The following SAMHD1 variants were observed in gnomAD, a reference collection of about 807,000 sequenced individuals.
The protein encoded by SAMHD1 is deoxynucleoside triphosphate triphosphohydrolase SAMHD1.
Under a neutral mutation model 79.6 loss-of-function variants are expected in SAMHD1, and 54 were observed. That is an observed-to-expected ratio of 0.68 (90% CI 0.55 to 0.85). The LOEUF is 0.85. Among genes scored for constraint, SAMHD1 ranks in the 40% least tolerant of loss-of-function variants. The pLI is 0.00. For synonymous variants in SAMHD1, 260 were observed against 264.1 expected, an observed-to-expected ratio of 0.98 and a Z score of 0.15; for missense variants, 663 against 782.7, an observed-to-expected ratio of 0.85 and a Z score of 1.82.
chr20:36,935,037 A>G lies in SAMHD1; in HGVS notation c.501T>C (p.His167=). 3 of 1,614,034 alleles carry G rather than the reference A, an allele frequency of 1.9e-6. No individual in the cohort carries two copies. The highest frequency in any genetic ancestry group is 2.5e-6 in the Non-Finnish European group (3 of 1,179,968). ...CCCCATTCCCTTCTTACCCTAGACT[A>G]TGCTCAAATCGATTGTGTGAAGCTC... ...FPGASHNRFE[H]SLGVGYLAGC... Residue 167 remains histidine (H), a synonymous_variant, in exon 4 of 16, where the codon CAT becomes CAC. Transcript: ENST00000646673.
chr20:36,937,303 T>C (rs564761673), intron 3 of SAMHD1, among the ~76,000 whole-genome samples: 48 of 152,246 alleles, frequency 3.2e-4, no homozygotes, highest in African/African-American at 1.1e-3. Flanking sequence ...CATGGTGACC[T>C]TGGGTTCGGC....
chr20:36,931,823 A>T (rs1250691737), intron 4 of SAMHD1, among the ~76,000 whole-genome samples: 3 of 151,774 alleles, frequency 2.0e-5, no homozygotes, highest in Admixed American at 6.6e-5. Context: ...AAAATAATTT[A>T]AAAATAAAAA....
At chr20:36,901,309 C>CA (rs1181382582) in intron 13 of SAMHD1, among the ~76,000 whole-genome samples, 1 of 152,146 alleles carries the variant, frequency 6.6e-6, no homozygotes. Flanking sequence ...GGACTACAGG[C>CA]ATGCACCACC....
At chr20:36,914,058 T>C (rs2063461013) in intron 9 of SAMHD1, among the ~76,000 whole-genome samples, 1 of 151,848 alleles carries the variant, frequency 6.6e-6, no homozygotes, top group Non-Finnish European at 1.5e-5. Flanking sequence ...CTAGCCCTTC[T>C]TGACTTTCTA....
chr20:36,911,223 A>T lies in SAMHD1; in HGVS notation c.1265T>A (p.Leu422Gln), dbSNP rs1177867586. ...TGTTACCTGTTACTTCTTACCTGTC[A>T]GCTTAGTATAGGCTTCCATGTCGTC... ...AIDDMEAYTK[L>Q]TDNIFLEILY... The change falls in exon 11 of 16, where the codon CTG (leucine) becomes CAG (glutamine). Residue 422 changes from leucine to glutamine, a missense_variant. By Grantham distance (113) the Leu-to-Gln change is moderately radical. Transcript: ENST00000646673. The T allele has an allele frequency of 1.2e-6, 2 of 1,607,306 alleles. No homozygotes were observed. The highest frequency in any genetic ancestry group is 1.7e-6 in the Non-Finnish European group (2 of 1,174,274).
intron 13 of SAMHD1, among the ~76,000 whole-genome samples, chr20:36,900,830 C>T (rs186330458): frequency 3.5e-4 from 53 of 151,906 alleles, no homozygotes; most frequent in Non-Finnish European, 5.6e-4. Context: ...CCTTGGCCTC[C>T]CAAAGTGCTG....
chr20:36,904,548 C>G (rs2148359999), intron 12 of SAMHD1: 1 of 357,502 alleles, frequency 2.8e-6, no homozygotes, highest in East Asian at 7.0e-5. Flanking sequence ...GAAACCCCGT[C>G]TCTACTAAAA....
In SAMHD1 at chr20:36,892,069, G is replaced by A. The variant is rs373133202; in HGVS notation, c.*863C>T. 2.6e-5 allele frequency: 4 copies of A among 152,388 alleles called. No individual in the cohort carries two copies. The highest frequency in any genetic ancestry group is 3.9e-4 in the East Asian group (2 of 5,188). The allele number at this position is 152,388 out of a possible 1,614,324, so 9.4% of individuals were successfully genotyped here. On this transcript the variant is annotated 3_prime_UTR_variant, in exon 16 of 16. Transcript: ENST00000646673. The stretch of plus-strand genomic sequence containing the variant: ...GGGACAAAGGCACTACCCGGGTCTG[G>A]AGCCGCCACGGAGCCAGGGCACAGC...
intron 4 of SAMHD1, among the ~76,000 whole-genome samples, chr20:36,933,910 G>A (rs2063583531): frequency 6.6e-6 from 1 of 151,880 alleles, no homozygotes; most frequent in Admixed American, 6.6e-5. Context: ...GCCAGGCGTG[G>A]TGGTGGGCAC....
Position 36,949,755 on chromosome 20 carries a change from C to CAA in SAMHD1, c.208+1679_208+1680dup, listed in dbSNP as rs34682795. 7.2e-3 allele frequency among the ~76,000 whole-genome samples: 503 copies of CAA among 69,734 alleles called. 9 individuals are homozygous for CAA. The highest frequency in any genetic ancestry group is 0.024 in the African/African-American group (409 of 16,698). 45.7% of individuals were successfully genotyped at this position (69,734 alleles called of 152,430 possible). ...CTGGCGACAGAGCGAGACTCTGTCT[C>CAA]AAAAAAAAAAAAAAAAAAAAAAAAG... On this transcript the variant is annotated intron_variant, in intron 1 of 15. Transcript: ENST00000646673.
intron 14 of SAMHD1, 129 bp from the exon 15 acceptor site, chr20:36,898,088 G>A: frequency 1.7e-6 from 2 of 1,148,962 alleles, no homozygotes; most frequent in Admixed American, 1.7e-5. Flanking sequence ...CTGGAGTGCA[G>A]TGGCACAATC....
At chr20:36,925,749 C>A (rs1390060542) in intron 6 of SAMHD1, among the ~76,000 whole-genome samples, 4 of 152,060 alleles carry the variant, frequency 2.6e-5, no homozygotes, top group Non-Finnish European at 5.9e-5. Flanking sequence ...AAATAGTATT[C>A]AACATACATT....
rs376317408 is a variant in SAMHD1 at position 36,932,692 on chromosome 20, C to T, written c.510-1817G>A. ...TCAGCCTCCCAAAGTGCTGGGATTC[C>T]AGGTGTGAGCCACTGCACCCGGCAA... On this transcript the variant is annotated intron_variant, in intron 4 of 15. Coordinates refer to ENST00000646673, the MANE Select transcript of SAMHD1 (RefSeq NM_015474.4). Among the ~76,000 whole-genome samples the T allele has an allele frequency of 5.9e-5, 9 of 151,804 alleles. No individual in the cohort carries two copies. In the East Asian group the frequency reaches 1.6e-3, roughly 26 times the overall value.
intron 6 of SAMHD1, among the ~76,000 whole-genome samples, chr20:36,924,040 G>C (rs536892093): frequency 6.6e-6 from 1 of 152,174 alleles, no homozygotes; most frequent in East Asian, 1.9e-4. Context: ...GCTTGAGCTC[G>C]GGAGTTGAGA....
intron 6 of SAMHD1, among the ~76,000 whole-genome samples, chr20:36,920,239 C>T (rs1013614347): frequency 2.0e-5 from 3 of 152,058 alleles, no homozygotes; most frequent in Non-Finnish European, 4.4e-5. Flanking sequence ...TTCAGCCTCC[C>T]GAGTAGCTGA....
At chr20:36,918,801 C>CAAAAAAAAAAAAAAAA (rs60403097) in intron 7 of SAMHD1, among the ~76,000 whole-genome samples, 8 of 65,440 alleles carry the variant, frequency 1.2e-4, no homozygotes, top group South Asian at 6.6e-4. Context: ...GACTCTATCT[C>CAAAAAAAAAAAAAAAA]AAAAAAAAAA....
chr20:36,904,082 G>C, intron 13 of SAMHD1, 75 bp downstream of exon 13: 1 of 1,007,082 alleles, frequency 9.9e-7, no homozygotes, highest in East Asian at 2.4e-5. Flanking sequence ...AAATGAACAT[G>C]TACTACTTTT....
intron 11 of SAMHD1, among the ~76,000 whole-genome samples, chr20:36,907,201 C>T (rs1225977989): frequency 1.3e-5 from 2 of 151,712 alleles, no homozygotes; most frequent in Non-Finnish European, 2.9e-5. Flanking sequence ...AAGCAATCCT[C>T]CTGCCTCAGC....
rs542947370 is a variant in SAMHD1, at chr20:36,944,077, C to CAAAAA, written c.275+2656_275+2660dup. Reference sequence around the variant, plus strand: ...TGAGTGACAGAGCAAGACTCCATCTCAAAAAAAAAAAAAAAAAAAAGAACT... The same window carrying CAAAAA: ...TGAGTGACAGAGCAAGACTCCATCTCAAAAAAAAAAAAAAAAAAAAAAAAAGAACT... On this transcript the variant is annotated intron_variant, in intron 2 of 15. Coordinates refer to ENST00000646673, the MANE Select transcript of SAMHD1 (RefSeq NM_015474.4). Among the ~76,000 whole-genome samples the CAAAAA allele has an allele frequency of 3.1e-3, 281 of 89,712 alleles. 5 individuals carry two copies. Among genetic ancestry groups the CAAAAA allele is most frequent in the African/African-American group, 3.6e-3 (87 of 24,156 alleles). The allele number at this position is 89,712 out of a possible 152,430, so 58.9% of individuals were successfully genotyped here. A position where few individuals can be genotyped will look rare whatever the true frequency, so the allele number is the denominator to read the frequency against.
Sources: allele counts gnomAD v4.1 joint callset (sites outside exome capture counted in the v4.1 genomes callset), GRCh38; gene constraint gnomAD v4.1.1; transcripts MANE v1.5; gene names NCBI Gene and HGNC (gene_info 2026-07-23, HGNC 2026-07-21).